WDFY4: variants seen among roughly 807,000 people sequenced by gnomAD.
WDFY4 encodes the protein WD repeat- and FYVE domain-containing protein 4.
WDFY4 carries 169 observed loss-of-function variants against 351.9 expected under a neutral mutation model. The ratio of observed to expected loss-of-function variants is 0.48; its 90% confidence interval spans 0.42 to 0.55. The LOEUF (loss-of-function observed/expected upper bound fraction) is 0.55. Ranked by LOEUF, WDFY4 falls within the 20% of genes least tolerant of loss-of-function variation. The pLI is 0.00. For missense variants in WDFY4, 3,803 were observed against 3,935.6 expected, an observed-to-expected ratio of 0.97 and a Z score of 0.90; for synonymous variants, 1,622 against 1,574.6, an observed-to-expected ratio of 1.03 and a Z score of -0.71.
chr10:48,871,440 T>C (rs1253010527), intron 40 of WDFY4, among the ~76,000 whole-genome samples: 1 of 151,878 alleles, frequency 6.6e-6, no homozygotes, highest in Non-Finnish European at 1.5e-5. Flanking sequence ...GGATAGTCAG[T>C]TGGATAGTCA....
At chr10:48,969,375 C>A (rs7895907) in intron 56 of WDFY4, 127 bp downstream of exon 56, 109,650 of 1,205,314 alleles carry the variant, frequency 0.091, 6,059 homozygotes, top group Non-Finnish European at 0.11. Flanking sequence ...GGTGTGCTGC[C>A]AGCCTGGGCG....
chr10:48,956,460 G>A (rs986278772), intron 51 of WDFY4, among the ~76,000 whole-genome samples: 2 of 152,124 alleles, frequency 1.3e-5, no homozygotes, highest in Non-Finnish European at 2.9e-5. Context: ...TGAGCTGTGT[G>A]TTGGATGTCA....
chr10:48,822,557 C>A lies in WDFY4; in HGVS notation c.5982+20C>A. On this transcript the variant is annotated intron_variant, in intron 35 of 61. Coordinates refer to ENST00000325239, the MANE Select transcript of WDFY4 (RefSeq NM_001394531.1). ...ATGGTGGTAAGAGCTGCTCACTGAC[C>A]GGGTATCTGTGTGGATCTGAATGAT... The A allele has an allele frequency of 1.3e-6, 2 of 1,510,362 alleles. No homozygotes were observed. The highest frequency in any genetic ancestry group is 1.3e-5 in the South Asian group (1 of 77,374). The allele number at this position is 1,510,362 out of a possible 1,614,324, so 93.6% of individuals were successfully genotyped here. A position where few individuals can be genotyped will look rare whatever the true frequency, so the allele number is the denominator to read the frequency against.
At position 48,723,687 on chromosome 10, in the gene WDFY4, C is replaced by T. The variant is rs1362265157; in HGVS notation, c.591+120C>T. ...GCCCTGGTTCCTGAACTCCTCTGTT[C>T]TCCCAGAGGGTCTAACCTCCCCCTC... is the stretch of plus-strand genomic sequence containing the variant. On this transcript the variant is annotated intron_variant, in intron 5 of 61. Coordinates refer to ENST00000325239, the MANE Select transcript of WDFY4 (RefSeq NM_001394531.1). The T allele has an allele frequency of 3.7e-6, 5 of 1,367,322 alleles. No individual in the cohort carries two copies. The African/African-American group carries it at 7.3e-5, about 20-fold the overall frequency. The allele number at this position is 1,367,322 out of a possible 1,614,324, so 84.7% of individuals were successfully genotyped here.
chr10:48,746,379 T>C lies in WDFY4; in HGVS notation c.2459+2831T>C, dbSNP rs1028105417. On this transcript the variant is annotated intron_variant, in intron 12 of 61. Coordinates refer to ENST00000325239, the MANE Select transcript of WDFY4 (RefSeq NM_001394531.1). Reference sequence around the variant, plus strand: ...ATAATAGGACTATATCAGGTTTCTTTTGGTTAGTTCGTGCCTGGGATTTTT... The same window carrying C: ...ATAATAGGACTATATCAGGTTTCTTCTGGTTAGTTCGTGCCTGGGATTTTT... Among the ~76,000 whole-genome samples the C allele has an allele frequency of 5.9e-5, 9 of 152,196 alleles. 1 individual carries two copies. Among genetic ancestry groups the C allele is most frequent in the Non-Finnish European group, 1.5e-5 (1 of 68,030 alleles).
intron 3 of WDFY4, among the ~76,000 whole-genome samples, chr10:48,720,465 A>G (rs1304122702): frequency 1.3e-5 from 2 of 151,994 alleles, no homozygotes; most frequent in African/African-American, 4.8e-5. Flanking sequence ...ATACACATAG[A>G]CACACAGAGA....
chr10:48,707,216 A>G (rs547057519), intron 1 of WDFY4, among the ~76,000 whole-genome samples: 5 of 152,298 alleles, frequency 3.3e-5, no homozygotes, highest in Admixed American at 3.3e-4. Context: ...TAAAATGACA[A>G]TGCAAGGTCT....
rs373276356 is a variant in WDFY4 at position 48,875,027 on chromosome 10, G to T, written c.6949-62G>T. 17 of 1,048,126 alleles carry T rather than the reference G, an allele frequency of 1.6e-5. No individual in the cohort carries two copies. In the African/African-American group the frequency reaches 2.5e-4, roughly 15 times the overall value. 64.9% of individuals were successfully genotyped at this position (1,048,126 alleles called of 1,614,324 possible). A position where few individuals can be genotyped will look rare whatever the true frequency, so the allele number is the denominator to read the frequency against. On this transcript the variant is annotated intron_variant, in intron 41 of 61. Transcript: ENST00000325239. Reference sequence around the variant, plus strand: ...TGTTTGTGAATCTGTGGAATTGGAGGTGAGTGAAGCATAGATGTAGCATCC... The same window carrying T: ...TGTTTGTGAATCTGTGGAATTGGAGTTGAGTGAAGCATAGATGTAGCATCC...
At chr10:48,872,384 C>G (rs1284466051) in intron 40 of WDFY4, among the ~76,000 whole-genome samples, 1 of 152,164 alleles carries the variant, frequency 6.6e-6, no homozygotes, top group Admixed American at 6.5e-5. Context: ...TTGGAGAAGG[C>G]ACTTCTCCTT....
At chr10:48,831,001 C>T in intron 38 of WDFY4, 116 bp downstream of exon 38, 4 of 972,346 alleles carry the variant, frequency 4.1e-6, no homozygotes, top group Non-Finnish European at 6.0e-6. Context: ...TGTCTCATCC[C>T]TTAAGTGGAT....
intron 40 of WDFY4, among the ~76,000 whole-genome samples, chr10:48,869,443 A>G (rs1436965111): frequency 6.6e-6 from 1 of 152,242 alleles, no homozygotes; most frequent in Non-Finnish European, 1.5e-5. Context: ...CAGCATAAGA[A>G]GGCATCATTG....
At chr10:48,755,116 C>T (rs928324249) in intron 12 of WDFY4, among the ~76,000 whole-genome samples, 36 of 152,260 alleles carry the variant, frequency 2.4e-4, no homozygotes, top group African/African-American at 8.7e-4. Context: ...TCCTCGCAAC[C>T]GTGGATCTTT....
At position 48,790,719 on chromosome 10, in the gene WDFY4, C is replaced by A; in HGVS notation, c.4067-8C>A. 6.5e-7 allele frequency: 1 copy of A among 1,550,310 alleles called. No homozygotes were observed. Among genetic ancestry groups the A allele is most frequent in the Non-Finnish European group, 8.7e-7 (1 of 1,146,142 alleles). Reference sequence around the variant, plus strand: ...ATGTTGATGAAATGCCCACTTTATGCCACACAGGGGTGAGGGTATTCCACT... The same window carrying A: ...ATGTTGATGAAATGCCCACTTTATGACACACAGGGGTGAGGGTATTCCACT... On this transcript the variant is annotated splice_region_variant and splice_polypyrimidine_tract_variant and intron_variant, in intron 22 of 61. Transcript: ENST00000325239.
chr10:48,713,445 C>G (rs1446166743), intron 2 of WDFY4, among the ~76,000 whole-genome samples: 21 of 152,252 alleles, frequency 1.4e-4, no homozygotes, highest in Admixed American at 1.4e-3. Flanking sequence ...ATACTTGAAT[C>G]TGCAGTAACT....
chr10:48,885,584 C>T (rs1355799307), intron 43 of WDFY4, among the ~76,000 whole-genome samples: 1 of 152,320 alleles, frequency 6.6e-6, no homozygotes, highest in South Asian at 2.1e-4. Context: ...AGGCAGGGGG[C>T]ATCCCTGCTC....
chr10:48,961,611 G>A, intron 53 of WDFY4, among the ~76,000 whole-genome samples: 1 of 152,144 alleles, frequency 6.6e-6, no homozygotes, highest in East Asian at 1.9e-4. Context: ...GTGGAATGAA[G>A]GCAAAAATTT....
intron 20 of WDFY4, 50 bp downstream of exon 20, chr10:48,786,920 T>C (rs1247011809): frequency 1.3e-6 from 2 of 1,483,158 alleles, no homozygotes; most frequent in Non-Finnish European, 1.8e-6. Flanking sequence ...AGTTTTTAAA[T>C]GGACATCCAG....
chr10:48,928,576 G>C (rs960585505), intron 47 of WDFY4, among the ~76,000 whole-genome samples: 1 of 152,136 alleles, frequency 6.6e-6, no homozygotes, highest in African/African-American at 2.4e-5. Context: ...TTTATCCTGG[G>C]GGCCAAGAGG....
At chr10:48,755,465 C>T (rs866438558) in intron 12 of WDFY4, among the ~76,000 whole-genome samples, 2 of 152,228 alleles carry the variant, frequency 1.3e-5, no homozygotes, top group South Asian at 4.1e-4. Flanking sequence ...TGAAGATTTT[C>T]TCCTATGTTT....
Sources: gnomAD v4.1 joint callset for allele counts (sites outside exome capture counted in the v4.1 genomes callset) on GRCh38, gnomAD v4.1.1 for gene constraint, MANE v1.5 for transcripts, NCBI Gene and HGNC (gene_info 2026-07-23, HGNC 2026-07-21) for gene names.